PTPN3: variants seen among roughly 807,000 people sequenced by gnomAD.
PTPN3 encodes tyrosine-protein phosphatase non-receptor type 3.
In PTPN3, 96 loss-of-function variants were observed where a neutral mutation model predicts 132.7. That is an observed-to-expected ratio of 0.72 (90% CI 0.61 to 0.86). PTPN3 has a LOEUF of 0.86. Ranked by LOEUF, PTPN3 falls within the 40% of genes least tolerant of loss-of-function variation. The pLI is 0.00. For missense variants in PTPN3, 1,125 were observed against 1,159.6 expected (o/e 0.97, Z 0.43); for synonymous variants, 398 against 429.0 (o/e 0.93, Z 0.89).
intron 19 of PTPN3, among the ~76,000 whole-genome samples, chr9:109,404,244 G>A (rs768508135): frequency 6.6e-6 from 1 of 152,182 alleles, no homozygotes; most frequent in Non-Finnish European, 1.5e-5. Context: ...GCTGCCTGCT[G>A]TGCCCTGTTA....
intron 1 of PTPN3, among the ~76,000 whole-genome samples, chr9:109,495,215 G>A (rs1000747385): frequency 6.6e-6 from 1 of 152,184 alleles, no homozygotes; most frequent in Non-Finnish European, 1.5e-5. Context: ...GTATGTGCTG[G>A]GTGCCTTCAG....
At chr9:109,412,194 C>T (rs1274996622) in intron 14 of PTPN3, among the ~76,000 whole-genome samples, 2 of 152,128 alleles carry the variant, frequency 1.3e-5, no homozygotes, top group East Asian at 3.9e-4. Context: ...TCTCTCCCTC[C>T]CTGCACCCCC....
At chr9:109,537,218 T>C in the PTPN3 span, among the ~76,000 whole-genome samples, 1 of 152,286 alleles carries the variant, frequency 6.6e-6, no homozygotes, top group South Asian at 2.1e-4. Context: ...TCCTTAAGGA[T>C]TTACATAGCA....
At chr9:109,383,342 T>C (rs931499502) in intron 23 of PTPN3, 81 bp downstream of exon 23, 1 of 1,609,824 alleles carries the variant, frequency 6.2e-7, no homozygotes, top group South Asian at 1.1e-5. Context: ...AGTGCACACC[T>C]AGAAGCGTGA....
chr9:109,518,812 C>G, the PTPN3 span, among the ~76,000 whole-genome samples: 1 of 152,202 alleles, frequency 6.6e-6, no homozygotes, highest in Admixed American at 6.5e-5. Context: ...CTTCTCTGCC[C>G]TGGGCCACAG....
At chr9:109,449,672 T>C in intron 5 of PTPN3, 5 of 985,488 alleles carry the variant, frequency 5.1e-6, no homozygotes, top group Non-Finnish European at 6.0e-6. Context: ...CTAGCTCCCA[T>C]GCTTTTTTAA....
At chr9:109,500,113 C>T (rs961605406), upstream of PTPN3, among the ~76,000 whole-genome samples, 3 of 152,350 alleles carry the variant, frequency 2.0e-5, 1 homozygote, top group South Asian at 6.2e-4. Context: ...TGAATACCTA[C>T]GCTTCGATCT....
chr9:109,521,837 A>G, the PTPN3 span, among the ~76,000 whole-genome samples: 28,320 of 152,164 alleles, frequency 0.19, 3,119 homozygotes, highest in Non-Finnish European at 0.23. Context: ...CTATTATGTT[A>G]GAACTAATAT....
the PTPN3 span, among the ~76,000 whole-genome samples, chr9:109,526,864 C>A: frequency 6.6e-6 from 1 of 151,978 alleles, no homozygotes; most frequent in African/African-American, 2.4e-5. Flanking sequence ...CAATCCCAGC[C>A]ATAAATGGTC....
chr9:109,405,732 C>G (rs534663139), intron 18 of PTPN3, among the ~76,000 whole-genome samples: 2 of 152,342 alleles, frequency 1.3e-5, no homozygotes, highest in East Asian at 3.9e-4. Context: ...TGGGACTATA[C>G]CCACATGGCA....
intron 14 of PTPN3, among the ~76,000 whole-genome samples, chr9:109,419,386 C>T (rs898065233): frequency 1.3e-5 from 2 of 152,170 alleles, no homozygotes; most frequent in African/African-American, 2.4e-5. Flanking sequence ...GATTAACTAA[C>T]GTGCCTGCTT....
At chr9:109,452,266 CAAAAAAAAAA>C (rs1158259516) in intron 5 of PTPN3, among the ~76,000 whole-genome samples, 1 of 71,652 alleles carries the variant, frequency 1.4e-5, no homozygotes, top group Non-Finnish European at 2.7e-5. Flanking sequence ...AGCTCCGTCT[CAAAAAAAAAA>C]AAAAAAAAAA....
intron 1 of PTPN3, among the ~76,000 whole-genome samples, chr9:109,492,307 C>G (rs997271593): frequency 1.3e-5 from 2 of 152,132 alleles, no homozygotes; most frequent in African/African-American, 2.4e-5. Flanking sequence ...CACTCCTACG[C>G]CAGGGGACCC....
chr9:109,510,144 C>G, the PTPN3 span, among the ~76,000 whole-genome samples: 1 of 152,128 alleles, frequency 6.6e-6, no homozygotes. Flanking sequence ...TTGAAGTAAT[C>G]TTAAAAACTG....
At position 109,449,228 on chromosome 9, in the gene PTPN3, C is replaced by T. The variant is rs184708304; in HGVS notation, c.369-373G>A. The stretch of plus-strand genomic sequence containing the variant: ...AGAACCCACAGGGGCTCTGCACAAG[C>T]GGCGCCCACACACTGGCAGGGCCAC... On this transcript the variant is annotated intron_variant, in intron 5 of 25. Transcript: ENST00000374541. 2.7e-4 allele frequency: 286 copies of T among 1,040,226 alleles called. No individual in the cohort carries two copies. In the East Asian group the frequency reaches 0.01, roughly 37 times the overall value. 64.4% of individuals were successfully genotyped at this position (1,040,226 alleles called of 1,614,324 possible).
Position 109,444,077 on chromosome 9 carries a change from T to C in PTPN3, c.466+1163A>G, listed in dbSNP as rs1588437557. On this transcript the variant is annotated intron_variant, in intron 7 of 25. Transcript: ENST00000374541. ...TGTTCTGAGACCAGAGCAGGGTGTGTAGTTCAGCCAGTGCCTGCTCTCAGA... is the reference window on the plus strand; with the variant it reads ...TGTTCTGAGACCAGAGCAGGGTGTGCAGTTCAGCCAGTGCCTGCTCTCAGA... Among the ~76,000 whole-genome samples, 3 of 152,338 alleles carry C rather than the reference T, an allele frequency of 2.0e-5. No homozygotes were observed. The South Asian group carries it at 6.2e-4, about 32-fold the overall frequency.
At chr9:109,441,122 T>A (rs184544690) in intron 7 of PTPN3, among the ~76,000 whole-genome samples, 1 of 152,328 alleles carries the variant, frequency 6.6e-6, no homozygotes, top group African/African-American at 2.4e-5. Flanking sequence ...TCCCTGCTCT[T>A]ACCTACTTAC....
At chr9:109,391,249 A>G (rs771976324) in intron 20 of PTPN3, 50 bp from the exon 21 acceptor site, 1 of 1,548,086 alleles carries the variant, frequency 6.5e-7, no homozygotes, top group Non-Finnish European at 8.9e-7. Context: ...TATTTTTATC[A>G]TACCAAGTAA....
At chr9:109,521,387 C>G in the PTPN3 span, among the ~76,000 whole-genome samples, 2 of 152,040 alleles carry the variant, frequency 1.3e-5, no homozygotes, top group Non-Finnish European at 2.9e-5. Flanking sequence ...TTCGAACTCC[C>G]GAACTTAGGT....
Sources: gnomAD v4.1 joint callset for allele counts (sites outside exome capture counted in the v4.1 genomes callset) on GRCh38, gnomAD v4.1.1 for gene constraint, MANE v1.5 for transcripts, NCBI Gene and HGNC (gene_info 2026-07-23, HGNC 2026-07-21) for gene names.